Variants in CLDN10 observed in about 807,000 individuals in gnomAD.
CLDN10 encodes the protein claudin 10.
CLDN10 carries 15 observed loss-of-function variants against 22.9 expected under a neutral mutation model. That is an observed-to-expected ratio of 0.65 (90% confidence interval 0.44 to 1.01). The LOEUF is 1.01. Among genes scored for constraint, CLDN10 ranks in the 50% least tolerant of loss-of-function variants. CLDN10 has a pLI of 0.00. For synonymous variants in CLDN10, 114 were observed against 111.4 expected, an observed-to-expected ratio of 1.02 and a Z score of -0.15; for missense variants, 247 against 287.8, an observed-to-expected ratio of 0.86 and a Z score of 1.03.
intron 1 of CLDN10, among the ~76,000 whole-genome samples, chr13:95,538,482 C>T (rs1694121966): frequency 6.6e-6 from 1 of 152,154 alleles, no homozygotes. Context: ...CATACCTCCT[C>T]TCCATATGTG....
chr13:95,560,460 A>G lies in CLDN10; in HGVS notation c.461A>G (p.Gln154Arg), dbSNP rs2043693762. 3 of 1,610,070 alleles carry G rather than the reference A, an allele frequency of 1.9e-6. No homozygotes were observed. The highest frequency in any genetic ancestry group is 2.6e-6 in the Non-Finnish European group (3 of 1,176,400). ...TEFFDPLFVEQKYELGAALFI... is the reference protein window; with the variant it reads ...TEFFDPLFVERKYELGAALFI... ...TTCTTTGATCCTCTCTTTGTTGAGC[A>G]AAAGTAAGTACTCTTCTCAGTCTGT... is the stretch of plus-strand genomic sequence containing the variant. The change falls in exon 3 of 5, where the codon CAA (glutamine) becomes CGA (arginine). Residue 154 changes from glutamine to arginine, a missense_variant. Gln to Arg is a conservative substitution (Grantham distance 43). Coordinates refer to ENST00000299339, the MANE Select transcript of CLDN10 (RefSeq NM_006984.5).
chr13:95,514,711 G>A (rs897658130), intron 1 of CLDN10, among the ~76,000 whole-genome samples: 1 of 152,116 alleles, frequency 6.6e-6, no homozygotes, highest in Admixed American at 6.5e-5. Context: ...TGTGGGTCAA[G>A]GTCATGCATT....
chr13:95,560,120 C>T lies in CLDN10; in HGVS notation c.221-12C>T, dbSNP rs375779020. 19 of 1,599,534 alleles carry T rather than the reference C, an allele frequency of 1.2e-5. No homozygotes were observed. The highest frequency in any genetic ancestry group is 1.5e-5 in the Non-Finnish European group (18 of 1,170,068). Reference sequence around the variant, plus strand: ...TGCTTTATGTAACGTAAATGACCTACTCTAATTGCAGGTTATATACAGGCA... The same window carrying T: ...TGCTTTATGTAACGTAAATGACCTATTCTAATTGCAGGTTATATACAGGCA... On this transcript the variant is annotated splice_polypyrimidine_tract_variant and intron_variant, in intron 1 of 4. Transcript: ENST00000299339.
chr13:95,536,749 C>T (rs985249744), intron 1 of CLDN10, among the ~76,000 whole-genome samples: 6 of 152,100 alleles, frequency 3.9e-5, no homozygotes, highest in Non-Finnish European at 7.3e-5. Context: ...CTCGTCCTTT[C>T]CCACGGTCCT....
chr13:95,440,156 C>A (rs2042311317), intron 1 of CLDN10, among the ~76,000 whole-genome samples: 1 of 152,114 alleles, frequency 6.6e-6, no homozygotes, highest in Non-Finnish European at 1.5e-5. Flanking sequence ...TCGTGATCCA[C>A]CCACCTCAGC....
At chr13:95,456,632 G>A (rs2042484579) in intron 1 of CLDN10, among the ~76,000 whole-genome samples, 1 of 152,154 alleles carries the variant, frequency 6.6e-6, no homozygotes, top group South Asian at 2.1e-4. Flanking sequence ...ATGGAGCACA[G>A]CTTAGTCTCA....
At chr13:95,525,497 CT>C (rs1296702313) in intron 1 of CLDN10, among the ~76,000 whole-genome samples, 2 of 151,586 alleles carry the variant, frequency 1.3e-5, no homozygotes, top group Non-Finnish European at 2.9e-5. Flanking sequence ...ATTGTTTTTT[CT>C]TTTTGTTTTT....
intron 1 of CLDN10, among the ~76,000 whole-genome samples, chr13:95,452,148 T>C (rs544173979): frequency 7.6e-4 from 115 of 152,290 alleles, no homozygotes; most frequent in African/African-American, 2.6e-3. Flanking sequence ...AATGGCAATT[T>C]CCGAAACATA....
chr13:95,549,585 G>T (rs2043543959), upstream of CLDN10, among the ~76,000 whole-genome samples: 1 of 152,140 alleles, frequency 6.6e-6, no homozygotes. Context: ...AAAAATGTTT[G>T]ATTCATTACA....
chr13:95,487,782 C>G (rs947624621), intron 1 of CLDN10, among the ~76,000 whole-genome samples: 1 of 151,706 alleles, frequency 6.6e-6, no homozygotes, highest in Admixed American at 6.6e-5. Flanking sequence ...TCAAATGACC[C>G]TCCCACCTCA....
At chr13:95,443,495 A>G (rs1029792269) in intron 1 of CLDN10, among the ~76,000 whole-genome samples, 1 of 152,216 alleles carries the variant, frequency 6.6e-6, no homozygotes, top group Admixed American at 6.5e-5. Context: ...AGCGGGAGAC[A>G]TGGCATGGCA....
At chr13:95,478,013 A>G (rs58577458) in intron 1 of CLDN10, among the ~76,000 whole-genome samples, 4,145 of 152,306 alleles carry the variant, frequency 0.027, 180 homozygotes, top group African/African-American at 0.095. Context: ...TGTGTTTTAA[A>G]AAGCTCTGGA....
At chr13:95,436,991 A>G (rs2042278978) in intron 1 of CLDN10, among the ~76,000 whole-genome samples, 2 of 152,306 alleles carry the variant, frequency 1.3e-5, no homozygotes, top group African/African-American at 4.8e-5. Context: ...TCTTAGACTT[A>G]GGCCAGATTA....
intron 1 of CLDN10, among the ~76,000 whole-genome samples, chr13:95,472,553 C>T (rs1352681783): frequency 6.6e-6 from 1 of 151,686 alleles, no homozygotes; most frequent in African/African-American, 2.4e-5. Context: ...GCCTGTAATC[C>T]CAGGTACTTG....
chr13:95,534,399 T>C lies in CLDN10; in HGVS notation c.215-25733T>C, dbSNP rs551224940. The stretch of plus-strand genomic sequence containing the variant: ...AAAATATTTGTAGAATTATAAAATC[T>C]TATGTGGTAAGGGATATTGTGGGTC... On this transcript the variant is annotated intron_variant, in intron 1 of 4. Coordinates refer to the CLDN10 transcript ENST00000376873. Among the ~76,000 whole-genome samples, 8 of 152,326 alleles carry C rather than the reference T, an allele frequency of 5.3e-5. No individual in the cohort carries two copies. In the South Asian group the frequency reaches 8.3e-4, roughly 16 times the overall value.
At chr13:95,466,763 G>A (rs530641547) in intron 1 of CLDN10, among the ~76,000 whole-genome samples, 3 of 151,752 alleles carry the variant, frequency 2.0e-5, no homozygotes, top group African/African-American at 7.3e-5. Context: ...TTTTAGTATA[G>A]AAATAATGTA....
At chr13:95,460,702 T>C (rs868120666) in intron 1 of CLDN10, among the ~76,000 whole-genome samples, 4 of 152,292 alleles carry the variant, frequency 2.6e-5, no homozygotes, top group Non-Finnish European at 2.9e-5. Flanking sequence ...AGCCAAACCA[T>C]ATCAATGGCT....
chr13:95,447,742 CGTGT>C (rs5805934), intron 1 of CLDN10, among the ~76,000 whole-genome samples: 18,927 of 147,376 alleles, frequency 0.13, 2,070 homozygotes, highest in African/African-American at 0.28. Context: ...AGTGCACATG[CGTGT>C]GTGTGTGTGT....
At chr13:95,551,227 A>G (rs908365802), upstream of CLDN10, among the ~76,000 whole-genome samples, 2 of 152,216 alleles carry the variant, frequency 1.3e-5, no homozygotes, top group African/African-American at 4.8e-5. Context: ...TCGGGTAGAC[A>G]TTGAAGAGAG....
Sources: gnomAD v4.1 joint callset for allele counts (sites outside exome capture counted in the v4.1 genomes callset) on GRCh38, gnomAD v4.1.1 for gene constraint, MANE v1.5 for transcripts, NCBI Gene and HGNC (gene_info 2026-07-23, HGNC 2026-07-21) for gene names.